NRIP3: variants seen among roughly 807,000 people sequenced by gnomAD.
The protein encoded by NRIP3 is nuclear receptor interacting protein 3.
A neutral mutation model predicts 29.0 loss-of-function variants in NRIP3; 31 were observed. The observed-to-expected ratio is 1.07, with a 90% CI of 0.80 to 1.44. NRIP3 has a LOEUF of 1.44. NRIP3 is among the 40% of genes most tolerant of loss of function. The pLI, the probability that NRIP3 is intolerant of heterozygous loss-of-function variation, is 0.00. For synonymous variants in NRIP3, 131 were observed against 118.3 expected (o/e 1.11, Z -0.70); for missense variants, 314 against 297.9 (o/e 1.05, Z -0.40).
chr11:8,998,994 G>A (rs1195978885), intron 1 of NRIP3, among the ~76,000 whole-genome samples: 1 of 151,734 alleles, frequency 6.6e-6, no homozygotes, highest in African/African-American at 2.4e-5. Context: ...TAGTAGAGAT[G>A]GGGTTTCACC....
chr11:8,984,248 GTTATTTTTTTT>G (rs139631962), intron 4 of NRIP3, 124 bp from the exon 5 acceptor site: 125,985 of 620,660 alleles, frequency 0.2, 12,644 homozygotes, highest in East Asian at 0.42. Context: ...TTGAGCATGT[GTTATTTTTTTT>G]TTATTTTTTT....
chr11:8,988,813 G>A (rs904270178), intron 1 of NRIP3, among the ~76,000 whole-genome samples: 2 of 152,230 alleles, frequency 1.3e-5, no homozygotes, highest in African/African-American at 4.8e-5. Flanking sequence ...GCCTGCAGAA[G>A]CCTTAGTGGC....
At chr11:9,001,013 A>G (rs1241687278) in intron 1 of NRIP3, among the ~76,000 whole-genome samples, 1 of 152,132 alleles carries the variant, frequency 6.6e-6, no homozygotes, top group South Asian at 2.1e-4. Context: ...AGGCTGCAGT[A>G]AGATGTGACT....
Position 8,985,812 on chromosome 11 carries a change from T to C in NRIP3, c.461A>G (p.Glu154Gly), listed in dbSNP as rs1410455726. 1 of 1,614,136 alleles carries C rather than the reference T, an allele frequency of 6.2e-7. No individual in the cohort carries two copies. Among genetic ancestry groups the C allele is most frequent in the Admixed American group, 1.7e-5 (1 of 60,016 alleles). ...GAGATGCCGGGGTAGAGAAAGCTTT[T>C]CTCCTTCATGCTTGTGGGATTTGAC... is the stretch of plus-strand genomic sequence containing the variant. The part of the protein sequence containing the change: ...EHVKSHKHEG[E>G]KLSLPRHLKV... The change falls in exon 4 of 7, where the codon GAA becomes GGA. Residue 154 changes from glutamate to glycine, a missense_variant. By Grantham distance (98) the Glu-to-Gly change is moderately conservative. Coordinates refer to ENST00000309166, the MANE Select transcript of NRIP3 (RefSeq NM_020645.3).
intron 1 of NRIP3, among the ~76,000 whole-genome samples, chr11:8,997,611 G>T (rs910129699): frequency 6.9e-6 from 1 of 145,544 alleles, no homozygotes; most frequent in Non-Finnish European, 1.5e-5. Flanking sequence ...TGCCTCCATC[G>T]CCATCAAGAG....
intron 3 of NRIP3, among the ~76,000 whole-genome samples, chr11:8,986,353 A>G (rs561281835): frequency 5.9e-5 from 9 of 152,358 alleles, no homozygotes; most frequent in African/African-American, 2.2e-4. Flanking sequence ...TGGTAAGTGC[A>G]CTGATATTCA....
At chr11:8,985,233 G>A (rs1381607155) in intron 4 of NRIP3, among the ~76,000 whole-genome samples, 2 of 141,400 alleles carry the variant, frequency 1.4e-5, no homozygotes, top group East Asian at 2.1e-4. Flanking sequence ...GCAGTGGCAC[G>A]ATCTCAGCTC....
intron 4 of NRIP3, 36 bp from the exon 5 acceptor site, chr11:8,984,160 T>C (rs1854470229): frequency 6.8e-7 from 1 of 1,467,818 alleles, no homozygotes; most frequent in Admixed American, 1.7e-5. Context: ...GATTTAGCCA[T>C]TTCCATGCTT....
At chr11:8,986,756 C>A (rs1300848913) in intron 3 of NRIP3, among the ~76,000 whole-genome samples, 1 of 152,170 alleles carries the variant, frequency 6.6e-6, no homozygotes, top group African/African-American at 2.4e-5. Context: ...CAGTGGCTCA[C>A]GCCTGTAATG....
Position 8,983,199 on chromosome 11 carries a change from T to C in NRIP3, c.*346A>G. 4.6e-6 allele frequency: 2 copies of C among 434,128 alleles called. No homozygotes were observed. Among genetic ancestry groups the C allele is most frequent in the Non-Finnish European group, 8.4e-6 (2 of 237,796 alleles). The allele number at this position is 434,128 out of a possible 1,614,324, so 26.9% of individuals were successfully genotyped here. ...ATTTAGCTATAGGAAAAGAAGCACA[T>C]ATATCTATGGAGACACAGAACCTGG... is the stretch of plus-strand genomic sequence containing the variant. On this transcript the variant is annotated 3_prime_UTR_variant, in exon 7 of 7. Transcript: ENST00000309166.
rs532048082 is a variant in NRIP3 at position 9,003,972 on chromosome 11, C to T, written c.-37G>A. On this transcript the variant is annotated 5_prime_UTR_variant, in exon 1 of 7. Coordinates refer to ENST00000309166, the MANE Select transcript of NRIP3 (RefSeq NM_020645.3). ...CGGCGGCCCGGTAGCCCACAGCCCCCCGGCAGCCTCAGCCTCGAGCTCCTC... is the reference window on the plus strand; with the variant it reads ...CGGCGGCCCGGTAGCCCACAGCCCCTCGGCAGCCTCAGCCTCGAGCTCCTC... 7.5e-5 allele frequency: 109 copies of T among 1,459,318 alleles called. No homozygotes were observed. The African/African-American group carries it at 1.3e-3, about 18-fold the overall frequency. The allele number at this position is 1,459,318 out of a possible 1,614,324, so 90.4% of individuals were successfully genotyped here.
At chr11:8,995,820 A>G (rs540972432) in intron 1 of NRIP3, among the ~76,000 whole-genome samples, 1 of 152,196 alleles carries the variant, frequency 6.6e-6, no homozygotes, top group Non-Finnish European at 1.5e-5. Context: ...CTCTCCTTCC[A>G]TATACAAACC....
At chr11:9,004,203 G>A, upstream of NRIP3, 1 of 315,478 alleles carries the variant, frequency 3.2e-6, no homozygotes, top group Non-Finnish European at 5.8e-6. Flanking sequence ...GACTGACCCG[G>A]CAGTCCGAGA....
At chr11:9,002,108 G>A (rs907658172) in intron 1 of NRIP3, among the ~76,000 whole-genome samples, 9 of 152,114 alleles carry the variant, frequency 5.9e-5, no homozygotes, top group African/African-American at 2.2e-4. Flanking sequence ...GCAGAAGGAA[G>A]TTCAGGTAGC....
At chr11:8,991,670 C>T (rs1854604080) in intron 1 of NRIP3, among the ~76,000 whole-genome samples, 1 of 152,228 alleles carries the variant, frequency 6.6e-6, no homozygotes, top group South Asian at 2.1e-4. Flanking sequence ...AAGCTAAGTG[C>T]TTTATACCAT....
At chr11:8,991,076 T>C (rs1349606762) in intron 1 of NRIP3, among the ~76,000 whole-genome samples, 1 of 152,028 alleles carries the variant, frequency 6.6e-6, no homozygotes, top group Non-Finnish European at 1.5e-5. Flanking sequence ...CCAAGGCGGG[T>C]GGATCACGAG....
chr11:8,999,539 T>C (rs1293473193), intron 1 of NRIP3, among the ~76,000 whole-genome samples: 3 of 152,186 alleles, frequency 2.0e-5, no homozygotes, highest in East Asian at 1.9e-4. Flanking sequence ...CCCAAATGCA[T>C]AGGTATGCGC....
intron 2 of NRIP3, 75 bp from the exon 3 acceptor site, chr11:8,987,705 A>G: frequency 8.1e-6 from 9 of 1,114,348 alleles, no homozygotes; most frequent in Non-Finnish European, 1.2e-5. Flanking sequence ...AGCAAGCAGC[A>G]GATGTCATAT....
chr11:8,982,402 C>A lies in NRIP3; in HGVS notation c.*1143G>T, dbSNP rs1025516318. 1 of 152,790 alleles carries A rather than the reference C, an allele frequency of 6.5e-6. No homozygotes were observed. The highest frequency in any genetic ancestry group is 2.4e-5 in the African/African-American group (1 of 41,452). The allele number at this position is 152,790 out of a possible 1,614,324, so 9.5% of individuals were successfully genotyped here. A position where few individuals can be genotyped will look rare whatever the true frequency, so the allele number is the denominator to read the frequency against. On this transcript the variant is annotated 3_prime_UTR_variant, in exon 7 of 7. Transcript: ENST00000309166. ...AGGTTTATCTAGATAGGCCTCTCCA[C>A]CAACTGATTCTACTCAGTCTACTCC...
Sources: allele counts gnomAD v4.1 joint callset (sites outside exome capture counted in the v4.1 genomes callset), GRCh38; gene constraint gnomAD v4.1.1; transcripts MANE v1.5; gene names NCBI Gene and HGNC (gene_info 2026-07-23, HGNC 2026-07-21).